Variants in SPTB observed in about 807,000 individuals in gnomAD.
SPTB encodes spectrin beta, erythrocytic.
Under a neutral mutation model 256.2 loss-of-function variants are expected in SPTB, and 45 were observed. That is an observed-to-expected ratio of 0.18 (90% CI 0.14 to 0.23). The LOEUF (loss-of-function observed/expected upper bound fraction) is 0.23. SPTB is among the 10% of genes least tolerant of loss of function. The pLI is 1.00. For missense variants in SPTB, 2,715 were observed against 3,040.4 expected (o/e 0.89, Z 2.52); for synonymous variants, 1,231 against 1,243.1 (o/e 0.99, Z 0.21).
At chr14:64,798,342 CA>C (rs1423267423) in intron 9 of SPTB, among the ~76,000 whole-genome samples, 2 of 152,216 alleles carry the variant, frequency 1.3e-5, no homozygotes, top group African/African-American at 4.8e-5. Flanking sequence ...CCTAATGAGC[CA>C]GATCTCCTGA....
intron 2 of SPTB, among the ~76,000 whole-genome samples, chr14:64,810,475 T>C (rs2083067300): frequency 1.3e-5 from 2 of 152,020 alleles, no homozygotes; most frequent in Admixed American, 6.6e-5. Flanking sequence ...GGGTCAGGAG[T>C]TCGAGATCAG....
In SPTB at chr14:64,749,528, G is replaced by T; in HGVS notation, c.6820-55C>A. The stretch of plus-strand genomic sequence containing the variant: ...GGAGGCCCACAGCCCCCCACCTCCC[G>T]GGCCAGGCAACAATGGTGGGGGCTC... On this transcript the variant is annotated intron_variant, in intron 35 of 35. Coordinates refer to ENST00000644917, the MANE Select transcript of SPTB (RefSeq NM_001355436.2). The surrounding 1 kb of genome is among the most constrained non-coding windows in gnomAD (Gnocchi z 4.7). The T allele has an allele frequency of 6.3e-7, 1 of 1,598,396 alleles. No homozygotes were observed. The highest frequency in any genetic ancestry group is 1.7e-5 in the Admixed American group (1 of 59,606).
At position 64,792,927 on chromosome 14, in the gene SPTB, C is replaced by T. The variant is rs969972871; in HGVS notation, c.2666+70G>A. 27 of 1,608,858 alleles carry T rather than the reference C, an allele frequency of 1.7e-5. No homozygotes were observed. The highest frequency in any genetic ancestry group is 2.0e-5 in the Non-Finnish European group (23 of 1,177,108). On this transcript the variant is annotated intron_variant, in intron 14 of 35. Transcript: ENST00000644917. This position sits in a 1 kb window ranked among gnomAD's most constrained non-coding sequence, Gnocchi z 4.2. ...ACCTTTGCTGATCCAGAGACTATTA[C>T]CAAACTAGGTGGGAGATGGTGCCCA...
chr14:64,793,114 A>C lies in SPTB; in HGVS notation c.2549T>G (p.Leu850Arg). ...GTCTGTCTCCCCGAACACCGTGTAC[A>C]GGTCCAGGGCTTCCTGCAGCCTCTG... ...RQQRLQEALD[L>R]YTVFGETDAC... Residue 850 changes from leucine to arginine, a missense_variant, in exon 14 of 36, where the codon CTG becomes CGG. This residue lies in a region of SPTB where 2,239 missense variants were observed against 2,384.4 expected (regional missense o/e 0.94). Coordinates refer to ENST00000644917, the MANE Select transcript of SPTB (RefSeq NM_001355436.2). The surrounding 1 kb of genome is among the most constrained non-coding windows in gnomAD (Gnocchi z 7.0). 1.2e-6 allele frequency: 2 copies of C among 1,614,116 alleles called. No individual in the cohort carries two copies. Among genetic ancestry groups the C allele is most frequent in the Admixed American group, 1.7e-5 (1 of 60,030 alleles).
intron 18 of SPTB, among the ~76,000 whole-genome samples, chr14:64,784,805 G>A (rs1438443495): frequency 6.6e-6 from 1 of 152,232 alleles, no homozygotes; most frequent in East Asian, 1.9e-4. Context: ...AGAAGCCAAG[G>A]ACAGAGGTCA....
At chr14:64,767,913 C>T in intron 29 of SPTB, 54 bp from the exon 30 acceptor site, 1 of 1,593,402 alleles carries the variant, frequency 6.3e-7, no homozygotes. Flanking sequence ...CCTGTTAGCA[C>T]CCAATCGTTC....
chr14:64,803,531 C>T (rs1234045852), intron 4 of SPTB, 76 bp downstream of exon 4: 1 of 1,579,728 alleles, frequency 6.3e-7, no homozygotes, highest in Non-Finnish European at 8.7e-7. Flanking sequence ...ACACTCTGTT[C>T]AGCATTTTAT....
In SPTB at chr14:64,796,181, T is replaced by C. The variant is rs1201420376; in HGVS notation, c.1341+376A>G. Among the ~76,000 whole-genome samples, 1 of 152,190 alleles carries C rather than the reference T, an allele frequency of 6.6e-6. No individual in the cohort carries two copies. Among genetic ancestry groups the C allele is most frequent in the Non-Finnish European group, 1.5e-5 (1 of 68,034 alleles). ...TGGGGTCAATTCTTAGCTAGAATTA[T>C]GTCACAGCACCAGAGACCAGAGTCC... On this transcript the variant is annotated intron_variant, in intron 11 of 35. Coordinates refer to ENST00000644917, the MANE Select transcript of SPTB (RefSeq NM_001355436.2). The surrounding 1 kb of genome is among the most constrained non-coding windows in gnomAD (Gnocchi z 4.1).
chr14:64,795,460 C>T lies in SPTB; in HGVS notation c.1521G>A (p.Leu507=). The T allele has an allele frequency of 1.2e-6, 2 of 1,614,196 alleles. No individual in the cohort carries two copies. The highest frequency in any genetic ancestry group is 1.1e-5 in the South Asian group (1 of 91,080). Residue 507 remains leucine (L), a synonymous_variant, in exon 12 of 36, where the codon CTG becomes CTA. Transcript: ENST00000644917. This position sits in a 1 kb window ranked among gnomAD's most constrained non-coding sequence, Gnocchi z 6.5. ...GCTCCTGCAGGTAGCTCCATAGGCG[C>T]AGTATATTGTCCTTGCGGGCCGTGA... ...KRITARKDNI[L]RLWSYLQELL...
At chr14:64,750,609 C>G (rs1320138540) in intron 33 of SPTB, among the ~76,000 whole-genome samples, 2 of 151,878 alleles carry the variant, frequency 1.3e-5, no homozygotes, top group East Asian at 1.9e-4. Flanking sequence ...AACCCCATCT[C>G]TACTAAAAAT....
Position 64,827,952 on chromosome 14 carries a change from C to A in SPTB, c.-51-4807G>T, listed in dbSNP as rs1178058802. Among the ~76,000 whole-genome samples the A allele has an allele frequency of 6.6e-6, 1 of 152,192 alleles. No homozygotes were observed. The highest frequency in any genetic ancestry group is 1.9e-4 in the East Asian group (1 of 5,196). ...GGGTGACCTTTCCAGTCGATGGACA[C>A]CACCAGCAGTTCCTGGACAAGCCAC... On this transcript the variant is annotated intron_variant, in intron 1 of 35. Coordinates refer to ENST00000644917, the MANE Select transcript of SPTB (RefSeq NM_001355436.2). The surrounding 1 kb of genome is among the most constrained non-coding windows in gnomAD (Gnocchi z 4.6).
Position 64,792,361 on chromosome 14 carries a change from C to T in SPTB, c.2667-505G>A, listed in dbSNP as rs563145088. ...GGGGGGAATTTGTGGTTCTGAAGGCCGATCCTTCTAGGGTAAGAGCCCAGG... is the reference window on the plus strand; with the variant it reads ...GGGGGGAATTTGTGGTTCTGAAGGCTGATCCTTCTAGGGTAAGAGCCCAGG... On this transcript the variant is annotated intron_variant, in intron 14 of 35. Transcript: ENST00000644917. This position sits in a 1 kb window ranked among gnomAD's most constrained non-coding sequence, Gnocchi z 4.2. Among the ~76,000 whole-genome samples the T allele has an allele frequency of 2.2e-4, 34 of 152,266 alleles. No individual in the cohort carries two copies. The highest frequency in any genetic ancestry group is 3.2e-4 in the Non-Finnish European group (22 of 68,018).
intron 27 of SPTB, among the ~76,000 whole-genome samples, chr14:64,770,256 C>A (rs547341903): frequency 8.5e-5 from 13 of 152,140 alleles, no homozygotes; most frequent in African/African-American, 2.9e-4. Context: ...TGTGTAACAG[C>A]GAATATATTA....
At position 64,769,030 on chromosome 14, in the gene SPTB, T is replaced by C; in HGVS notation, c.6022+4A>G. ...CTGGGCCCTGGCTCCAGGGCTGTACTCACACATGCGGAGCCGCTCCCAGCG... is the reference window on the plus strand; with the variant it reads ...CTGGGCCCTGGCTCCAGGGCTGTACCCACACATGCGGAGCCGCTCCCAGCG... On this transcript the variant is annotated splice_donor_region_variant and intron_variant, in intron 29 of 35. Transcript: ENST00000644917. The C allele has an allele frequency of 6.2e-7, 1 of 1,612,198 alleles. No individual in the cohort carries two copies. The highest frequency in any genetic ancestry group is 1.1e-5 in the South Asian group (1 of 91,078).
intron 1 of SPTB, among the ~76,000 whole-genome samples, chr14:64,838,819 T>G (rs925026002): frequency 6.6e-6 from 1 of 152,132 alleles, no homozygotes; most frequent in South Asian, 2.1e-4. Flanking sequence ...AATGAAAACA[T>G]GTTCACATAA....
chr14:64,837,417 TA>T (rs1017224141), intron 1 of SPTB, among the ~76,000 whole-genome samples: 4 of 152,132 alleles, frequency 2.6e-5, no homozygotes, highest in Non-Finnish European at 5.9e-5. Flanking sequence ...GGGCAAGATC[TA>T]AAAACATTAA....
rs1405359892 is a variant in SPTB, at chr14:64,844,335, A to G, written c.-51-21190T>C. 2.0e-5 allele frequency among the ~76,000 whole-genome samples: 3 copies of G among 152,234 alleles called. No homozygotes were observed. The East Asian group carries it at 5.8e-4, about 29-fold the overall frequency. ...GTCCCAACACACAATAGGAATTTAT[A>G]TCCCCAACAACAGACATTTGTAGAA... On this transcript the variant is annotated intron_variant, in intron 1 of 35. Transcript: ENST00000644917. This position sits in a 1 kb window ranked among gnomAD's most constrained non-coding sequence, Gnocchi z 4.1.
At chr14:64,839,427 G>C (rs1303622956) in intron 1 of SPTB, among the ~76,000 whole-genome samples, 1 of 152,200 alleles carries the variant, frequency 6.6e-6, no homozygotes, top group Non-Finnish European at 1.5e-5. Context: ...TAGGATTGTA[G>C]GGTTGGGGAA....
intron 9 of SPTB, 148 bp from the exon 10 acceptor site, chr14:64,797,994 T>C (rs995827860): frequency 1.4e-6 from 1 of 730,692 alleles, no homozygotes. Flanking sequence ...AGAGAATCTG[T>C]AGGTCTGCTT....
Sources: gnomAD v4.1 joint callset for allele counts (sites outside exome capture counted in the v4.1 genomes callset) on GRCh38, gnomAD v4.1.1 for gene constraint, gnomAD v4.1.1 regional missense constraint, Gnocchi (gnomAD v3.1) non-coding constraint, MANE v1.5 for transcripts, NCBI Gene and HGNC (gene_info 2026-07-23, HGNC 2026-07-21) for gene names.